ABCB7: variants seen among roughly 807,000 people sequenced by gnomAD.
The protein encoded by ABCB7 is iron-sulfur clusters transporter ABCB7, mitochondrial.
In ABCB7, 7 loss-of-function variants were observed where a neutral mutation model predicts 54.4. The ratio of observed to expected loss-of-function variants is 0.13; its 90% CI spans 0.07 to 0.24. ABCB7 has a LOEUF of 0.24. ABCB7 is among the 10% of genes least tolerant of loss of function. The pLI is 1.00. For missense variants in ABCB7, 356 were observed against 570.4 expected (o/e 0.62, Z 3.83); for synonymous variants, 218 against 207.1 (o/e 1.05, Z -0.45).
chrX:75,082,736 T>C (rs1376943606), intron 4 of ABCB7, among the ~76,000 whole-genome samples: 4 of 110,020 alleles, frequency 3.6e-5, no homozygotes, highest in Admixed American at 3.0e-4. Context: ...TACATTTCAT[T>C]TGAAGTAGTA....
At chrX:75,131,467 T>C (rs912138384) in intron 1 of ABCB7, among the ~76,000 whole-genome samples, 1 of 111,020 alleles carries the variant, frequency 9.0e-6, no homozygotes, top group Non-Finnish European at 1.9e-5. Flanking sequence ...AGTGGACGTA[T>C]ATATAATTTT....
intron 1 of ABCB7, among the ~76,000 whole-genome samples, chrX:75,147,361 C>A (rs2082099383): frequency 9.0e-6 from 1 of 111,730 alleles, no homozygotes. Flanking sequence ...TATAAAGACA[C>A]ATGCATGCGT....
intron 1 of ABCB7, among the ~76,000 whole-genome samples, chrX:75,136,669 G>A (rs2082012069): frequency 9.0e-6 from 1 of 111,528 alleles, no homozygotes; most frequent in Non-Finnish European, 1.9e-5. Context: ...AAAAAGCATG[G>A]TACTGGTATA....
Position 75,069,344 on chromosome X carries a change from G to A in ABCB7, c.1476C>T (p.Ser492=). The change falls in exon 11 of 16, where the codon TCC becomes TCT. Residue 492 remains serine, a synonymous_variant. Coordinates refer to ENST00000373394, the MANE Select transcript of ABCB7 (RefSeq NM_001271696.3). ...IEGQKVLSGI[S]FEVPAGKKVA... ...CTTTCTTTCCTGCAGGGACTTCAAA[G>A]GATATTCCACTAAGGACTTTCTGGC... 8.3e-7 allele frequency: 1 copy of A among 1,211,426 alleles called. No individual in the cohort carries two copies. Among genetic ancestry groups the A allele is most frequent in the Non-Finnish European group, 1.1e-6 (1 of 895,385 alleles).
intron 8 of ABCB7, 57 bp from the exon 9 acceptor site, chrX:75,071,740 G>C: frequency 1.2e-6 from 1 of 853,191 alleles, no homozygotes. Context: ...ATTCTCTTAA[G>C]TGATTAGTAT....
chrX:75,124,238 A>G (rs1454832841), intron 1 of ABCB7, among the ~76,000 whole-genome samples: 1 of 111,687 alleles, frequency 9.0e-6, no homozygotes, highest in East Asian at 2.8e-4. Flanking sequence ...ACAAACAAAA[A>G]ATATGTATGG....
intron 3 of ABCB7, among the ~76,000 whole-genome samples, chrX:75,104,647 C>G (rs1357612118): frequency 9.0e-6 from 1 of 111,272 alleles, no homozygotes; most frequent in Non-Finnish European, 1.9e-5. Context: ...CCTACTGAAA[C>G]TGTTCCAAAA....
At chrX:75,114,331 C>G (rs2081789429) in intron 2 of ABCB7, among the ~76,000 whole-genome samples, 2 of 111,537 alleles carry the variant, frequency 1.8e-5, no homozygotes, top group South Asian at 7.6e-4. Context: ...GAAAAATAAC[C>G]TCATCAACAT....
chrX:75,147,365 C>T (rs771202631), intron 1 of ABCB7, among the ~76,000 whole-genome samples: 1 of 111,827 alleles, frequency 8.9e-6, no homozygotes, highest in African/African-American at 3.2e-5. Flanking sequence ...AAGACACATG[C>T]ATGCGTATGT....
intron 6 of ABCB7, 116 bp downstream of exon 6, chrX:75,075,246 T>C: frequency 1.2e-6 from 1 of 804,839 alleles, no homozygotes; most frequent in Non-Finnish European, 1.8e-6. Context: ...ATTTCTGGCA[T>C]CATGGAATTT....
chrX:75,144,771 A>G (rs939889710), intron 1 of ABCB7, among the ~76,000 whole-genome samples: 1 of 110,916 alleles, frequency 9.0e-6, no homozygotes, highest in Non-Finnish European at 1.9e-5. Context: ...TGCAGAATCA[A>G]ATATGCACAG....
chrX:75,111,925 C>A (rs936487722), intron 3 of ABCB7, among the ~76,000 whole-genome samples: 5 of 111,669 alleles, frequency 4.5e-5, no homozygotes, highest in Non-Finnish European at 9.4e-5. Context: ...AAGACTAATG[C>A]AAAGACAAAC....
At chrX:75,076,447 G>A in intron 5 of ABCB7, 75 bp downstream of exon 5, 3 of 1,135,670 alleles carry the variant, frequency 2.6e-6, no homozygotes, top group Admixed American at 2.2e-5. Flanking sequence ...TAGTGAAAAG[G>A]TCATCTGCTC....
chrX:75,144,825 A>G (rs2082080189), intron 1 of ABCB7, among the ~76,000 whole-genome samples: 1 of 111,457 alleles, frequency 9.0e-6, no homozygotes, highest in African/African-American at 3.3e-5. Flanking sequence ...ACTAGGACTC[A>G]ATTTCCAAAG....
intron 3 of ABCB7, among the ~76,000 whole-genome samples, chrX:75,109,335 T>C (rs1256190387): frequency 8.9e-6 from 1 of 112,193 alleles, no homozygotes; most frequent in Non-Finnish European, 1.9e-5. Context: ...TATTAATAAA[T>C]TGAATACACA....
At chrX:75,130,509 T>C (rs1036031303) in intron 1 of ABCB7, among the ~76,000 whole-genome samples, 1 of 112,543 alleles carries the variant, frequency 8.9e-6, no homozygotes, top group Non-Finnish European at 1.9e-5. Flanking sequence ...GCATTCTTGG[T>C]ATAGCTTGCT....
At chrX:75,104,257 T>C (rs759197587) in intron 3 of ABCB7, among the ~76,000 whole-genome samples, 4 of 106,352 alleles carry the variant, frequency 3.8e-5, no homozygotes, top group Non-Finnish European at 7.8e-5. Context: ...AAATAAAAGA[T>C]TGATTCTTTG....
At chrX:75,096,718 A>G (rs2081594435) in intron 4 of ABCB7, among the ~76,000 whole-genome samples, 1 of 110,699 alleles carries the variant, frequency 9.0e-6, no homozygotes, top group African/African-American at 3.3e-5. Context: ...ATTTTCCCCA[A>G]ACAAGACCTT....
intron 1 of ABCB7, among the ~76,000 whole-genome samples, chrX:75,132,676 C>G (rs1204137768): frequency 8.9e-6 from 1 of 112,519 alleles, no homozygotes; most frequent in Non-Finnish European, 1.9e-5. Context: ...AAAAGCCTAC[C>G]TACCAGCCAT....
Sources: allele counts gnomAD v4.1 joint callset (sites outside exome capture counted in the v4.1 genomes callset), GRCh38; gene constraint gnomAD v4.1.1; transcripts MANE v1.5; gene names NCBI Gene and HGNC (gene_info 2026-07-23, HGNC 2026-07-21).